The following PLS1 variants were observed in gnomAD, a reference collection of about 807,000 sequenced individuals.
The protein encoded by PLS1 is plastin 1, also known as plastin-1.
PLS1 carries 32 observed loss-of-function variants against 73.7 expected under a neutral mutation model. The observed-to-expected ratio is 0.43, with a 90% CI of 0.33 to 0.58. The LOEUF is 0.58. Ranked by LOEUF, PLS1 falls within the 20% of genes least tolerant of loss-of-function variation. PLS1 has a pLI of 0.04. For missense variants in PLS1, 633 were observed against 740.5 expected (o/e 0.85, Z 1.68); for synonymous variants, 217 against 261.3 (o/e 0.83, Z 1.63).
intron 1 of PLS1, among the ~76,000 whole-genome samples, chr3:142,603,122 T>G (rs1430090785): frequency 2.6e-5 from 4 of 152,268 alleles, no homozygotes; most frequent in Non-Finnish European, 4.4e-5. Context: ...CAATTTTGAT[T>G]GCTGGAAACT....
intron 1 of PLS1, among the ~76,000 whole-genome samples, chr3:142,600,374 C>T (rs1245393576): frequency 6.6e-6 from 1 of 152,086 alleles, no homozygotes; most frequent in African/African-American, 2.4e-5. Context: ...ATATATTGTA[C>T]ACTACCAGGA....
chr3:142,709,800 G>A (rs1371261233), intron 14 of PLS1, among the ~76,000 whole-genome samples: 1 of 145,850 alleles, frequency 6.9e-6, no homozygotes, highest in Non-Finnish European at 1.5e-5. Context: ...CTGGGCAACA[G>A]AGCGAGACTC....
chr3:142,704,813 T>G (rs1034543770), intron 14 of PLS1, among the ~76,000 whole-genome samples: 3 of 145,282 alleles, frequency 2.1e-5, no homozygotes, highest in Non-Finnish European at 4.5e-5. Context: ...CACACCCGGC[T>G]AATTTTTTTT....
chr3:142,639,135 T>G (rs1156503177), intron 1 of PLS1, among the ~76,000 whole-genome samples: 1 of 152,176 alleles, frequency 6.6e-6, no homozygotes, highest in East Asian at 1.9e-4. Context: ...ACTCAGTCAT[T>G]TAAGGCTGAG....
chr3:142,600,543 A>C (rs1307158637), intron 1 of PLS1, among the ~76,000 whole-genome samples: 2 of 152,162 alleles, frequency 1.3e-5, no homozygotes, highest in Non-Finnish European at 2.9e-5. Flanking sequence ...AAAACAAGAC[A>C]GAAAGCAGTG....
intron 9 of PLS1, among the ~76,000 whole-genome samples, chr3:142,686,813 C>T (rs551758150): frequency 1.8e-4 from 28 of 152,306 alleles, no homozygotes; most frequent in African/African-American, 4.3e-4. Flanking sequence ...AAGGGAACTG[C>T]GTAATTGTGA....
chr3:142,703,407 T>C (rs543959063), intron 12 of PLS1, among the ~76,000 whole-genome samples: 2 of 151,660 alleles, frequency 1.3e-5, no homozygotes, highest in East Asian at 3.9e-4. Context: ...GCGATTCTCC[T>C]GCCTCAGCCT....
chr3:142,628,390 A>AGTGTGCAT (rs148867740), intron 1 of PLS1, among the ~76,000 whole-genome samples: 1 of 64,652 alleles, frequency 1.5e-5, no homozygotes, highest in Admixed American at 1.2e-4. Flanking sequence ...ATGTGCATGC[A>AGTGTGCAT]GTGTGCATGT....
At chr3:142,630,970 C>CACACACACACACACACACACAT (rs1388284832) in intron 1 of PLS1, among the ~76,000 whole-genome samples, 9 of 151,740 alleles carry the variant, frequency 5.9e-5, no homozygotes, top group African/African-American at 2.2e-4. Context: ...CACACACACA[C>CACACACACACACACACACACAT]ACATAGAGGG....
intron 1 of PLS1, among the ~76,000 whole-genome samples, chr3:142,630,469 C>T (rs1011555263): frequency 2.0e-5 from 3 of 148,114 alleles, no homozygotes; most frequent in Non-Finnish European, 4.5e-5. Context: ...ATATAAAATC[C>T]TGGCTGGGTG....
chr3:142,601,099 T>TTG (rs2035919933), intron 1 of PLS1, among the ~76,000 whole-genome samples: 1 of 146,158 alleles, frequency 6.8e-6, no homozygotes, highest in African/African-American at 2.5e-5. Context: ...AATTTTTTTT[T>TTG]TATTTTTAGT....
intron 8 of PLS1, among the ~76,000 whole-genome samples, chr3:142,685,575 A>C (rs553537353): frequency 2.0e-5 from 3 of 152,188 alleles, no homozygotes; most frequent in Non-Finnish European, 4.4e-5. Context: ...GTGCTCCTCC[A>C]CAAGGCCTCT....
At chr3:142,618,504 C>T (rs2036254167) in intron 1 of PLS1, among the ~76,000 whole-genome samples, 4 of 152,302 alleles carry the variant, frequency 2.6e-5, no homozygotes, top group Non-Finnish European at 5.9e-5. Flanking sequence ...AGCAGGACTG[C>T]GTTCCTTTCT....
chr3:142,600,910 A>AT (rs1560024540), intron 1 of PLS1, among the ~76,000 whole-genome samples: 3 of 24,432 alleles, frequency 1.2e-4, no homozygotes, highest in Non-Finnish European at 1.9e-4. Context: ...ATATATATAT[A>AT]TATATATTTT....
chr3:142,658,378 A>G (rs1191589165), intron 1 of PLS1, among the ~76,000 whole-genome samples: 1 of 151,722 alleles, frequency 6.6e-6, no homozygotes, highest in African/African-American at 2.4e-5. Context: ...CGGGAGGCTG[A>G]GGTAGGAAAA....
intron 6 of PLS1, among the ~76,000 whole-genome samples, chr3:142,682,691 A>G (rs934051476): frequency 1.3e-5 from 2 of 152,218 alleles, no homozygotes; most frequent in East Asian, 3.9e-4. Context: ...AAGCAAAGAG[A>G]AAAATATTAG....
intron 9 of PLS1, among the ~76,000 whole-genome samples, chr3:142,689,042 C>A (rs572926673): frequency 1.3e-5 from 2 of 152,182 alleles, no homozygotes; most frequent in African/African-American, 4.8e-5. Flanking sequence ...CTTACTGATA[C>A]AATATTTGAG....
At chr3:142,644,894 C>G (rs2036920395) in intron 1 of PLS1, among the ~76,000 whole-genome samples, 2 of 152,144 alleles carry the variant, frequency 1.3e-5, no homozygotes, top group Non-Finnish European at 2.9e-5. Context: ...TAGTGGGCAC[C>G]ACTTTACTCC....
intron 6 of PLS1, among the ~76,000 whole-genome samples, chr3:142,678,811 TG>T (rs1273182812): frequency 2.6e-5 from 4 of 151,586 alleles, no homozygotes; most frequent in Admixed American, 2.0e-4. Context: ...CTGGGTCAAA[TG>T]GTATTTCTAG....
Sources: gnomAD v4.1 joint callset for allele counts (sites outside exome capture counted in the v4.1 genomes callset) on GRCh38, gnomAD v4.1.1 for gene constraint, MANE v1.5 for transcripts, NCBI Gene and HGNC (gene_info 2026-07-23, HGNC 2026-07-21) for gene names.